Variants in LHFPL6 observed in about 807,000 individuals in gnomAD.
LHFPL6 encodes the protein LHFPL tetraspan subfamily member 6 protein.
LHFPL6 carries 9 observed loss-of-function variants against 20.6 expected under a neutral mutation model. The observed-to-expected ratio is 0.44, with a 90% confidence interval of 0.26 to 0.76. LHFPL6 has a LOEUF of 0.76. LHFPL6 is among the 30% of genes least tolerant of loss of function. The pLI is 0.20. For synonymous variants in LHFPL6, 105 were observed against 98.7 expected (o/e 1.06, Z -0.38); for missense variants, 218 against 253.5 (o/e 0.86, Z 0.95).
intron 2 of LHFPL6, among the ~76,000 whole-genome samples, chr13:39,444,989 C>A (rs967185743): frequency 2.0e-5 from 3 of 152,120 alleles, no homozygotes; most frequent in African/African-American, 7.2e-5. Flanking sequence ...GCAGGGCTGC[C>A]CTTATTAATT....
chr13:39,357,307 G>T (rs1204368215), intron 3 of LHFPL6, among the ~76,000 whole-genome samples: 3 of 152,106 alleles, frequency 2.0e-5, no homozygotes, highest in Non-Finnish European at 2.9e-5. Flanking sequence ...TCTAATGCAT[G>T]ATAAAACCCT....
chr13:39,508,857 C>T (rs1392834697), intron 2 of LHFPL6, among the ~76,000 whole-genome samples: 1 of 152,120 alleles, frequency 6.6e-6, no homozygotes, highest in African/African-American at 2.4e-5. Flanking sequence ...TAGTAGATAC[C>T]TATGAATGGA....
chr13:39,371,853 C>A (rs1305886545), intron 3 of LHFPL6, among the ~76,000 whole-genome samples: 1 of 152,172 alleles, frequency 6.6e-6, no homozygotes, highest in African/African-American at 2.4e-5. Context: ...AAAGCTGGCC[C>A]AATTAGAGTG....
intron 2 of LHFPL6, among the ~76,000 whole-genome samples, chr13:39,434,782 C>T (rs187845334): frequency 8.5e-5 from 13 of 152,202 alleles, no homozygotes; most frequent in Admixed American, 6.5e-4. Flanking sequence ...TCAGGCTGGG[C>T]GCGGTGGCTC....
chr13:39,539,313 T>TAA (rs1256574680), intron 2 of LHFPL6, among the ~76,000 whole-genome samples: 99 of 151,430 alleles, frequency 6.5e-4, no homozygotes, highest in African/African-American at 2.2e-3. Context: ...AGATTTTATT[T>TAA]TAAAAAAAAA....
chr13:39,383,393 G>C (rs1870489749), intron 2 of LHFPL6, among the ~76,000 whole-genome samples: 1 of 152,212 alleles, frequency 6.6e-6, no homozygotes, highest in African/African-American at 2.4e-5. Flanking sequence ...GCCACAGGTA[G>C]CCCTTTAAGT....
chr13:39,352,112 C>T (rs1009262703), intron 3 of LHFPL6, among the ~76,000 whole-genome samples: 2 of 152,328 alleles, frequency 1.3e-5, no homozygotes, highest in Non-Finnish European at 2.9e-5. Context: ...GCAATGAAAC[C>T]ACACTTGGCA....
chr13:39,478,499 G>A (rs1873138870), intron 2 of LHFPL6, among the ~76,000 whole-genome samples: 1 of 152,100 alleles, frequency 6.6e-6, no homozygotes, highest in South Asian at 2.1e-4. Context: ...CCATTATCCA[G>A]GTGTGATGGC....
chr13:39,562,958 G>A (rs1290643180), intron 2 of LHFPL6, among the ~76,000 whole-genome samples: 1 of 151,758 alleles, frequency 6.6e-6, no homozygotes, highest in Non-Finnish European at 1.5e-5. Context: ...GGAAATAGAG[G>A]GTATTCAAAG....
intron 2 of LHFPL6, among the ~76,000 whole-genome samples, chr13:39,497,178 C>T (rs9532383): frequency 0.44 from 67,010 of 151,972 alleles, 15,951 homozygotes; most frequent in Non-Finnish European, 0.53. Flanking sequence ...ATCTCCACAA[C>T]AGGCAGACTG....
At chr13:39,396,801 G>GA (rs1223526286) in intron 2 of LHFPL6, among the ~76,000 whole-genome samples, 3 of 151,920 alleles carry the variant, frequency 2.0e-5, no homozygotes, top group South Asian at 4.2e-4. Flanking sequence ...GTCTCAAAAA[G>GA]AAAAAAAGAC....
At chr13:39,564,421 C>A (rs1437936114) in intron 2 of LHFPL6, among the ~76,000 whole-genome samples, 3 of 152,080 alleles carry the variant, frequency 2.0e-5, no homozygotes, top group Non-Finnish European at 4.4e-5. Context: ...AATACTGGGC[C>A]AGAGCAACAA....
At chr13:39,447,597 T>A (rs1244352421) in intron 2 of LHFPL6, among the ~76,000 whole-genome samples, 1 of 152,206 alleles carries the variant, frequency 6.6e-6, no homozygotes, top group East Asian at 1.9e-4. Context: ...AGGAATTCCC[T>A]TTTGTTGCTA....
chr13:39,499,250 G>C (rs1869208964), intron 2 of LHFPL6, among the ~76,000 whole-genome samples: 1 of 123,568 alleles, frequency 8.1e-6, no homozygotes, highest in Non-Finnish European at 1.8e-5. Context: ...GCAATGAGCT[G>C]TTTTTCTTTT....
intron 2 of LHFPL6, among the ~76,000 whole-genome samples, chr13:39,523,490 ACCCG>A (rs1484713826): frequency 2.0e-5 from 3 of 150,846 alleles, no homozygotes; most frequent in Non-Finnish European, 4.4e-5. Context: ...AATGGCGTGA[ACCCG>A]TGGGGCGGAG....
intron 2 of LHFPL6, among the ~76,000 whole-genome samples, chr13:39,436,646 A>C (rs1292443828): frequency 2.0e-5 from 3 of 152,202 alleles, no homozygotes; most frequent in African/African-American, 7.2e-5. Flanking sequence ...TTTTCCCCTC[A>C]TCTGCAGGTT....
At chr13:39,577,284 C>A (rs1263459507) in intron 2 of LHFPL6, among the ~76,000 whole-genome samples, 1 of 152,152 alleles carries the variant, frequency 6.6e-6, no homozygotes, top group Non-Finnish European at 1.5e-5. Context: ...TTCTCTCCAA[C>A]AGGCTACACC....
chr13:39,510,294 C>G (rs1483387878), intron 2 of LHFPL6, among the ~76,000 whole-genome samples: 1 of 152,246 alleles, frequency 6.6e-6, no homozygotes, highest in Non-Finnish European at 1.5e-5. Flanking sequence ...AAGAAAGATT[C>G]ACCAAGTTTC....
At chr13:39,428,796 A>G (rs1454865483) in intron 2 of LHFPL6, among the ~76,000 whole-genome samples, 1 of 152,162 alleles carries the variant, frequency 6.6e-6, no homozygotes, top group Non-Finnish European at 1.5e-5. Context: ...CTAATGGAGC[A>G]ATACTCTTTT....
Sources: allele counts gnomAD v4.1 joint callset (sites outside exome capture counted in the v4.1 genomes callset), GRCh38; gene constraint gnomAD v4.1.1; transcripts MANE v1.5; gene names NCBI Gene and HGNC (gene_info 2026-07-23, HGNC 2026-07-21).